Variants in DOCK7 observed in about 807,000 individuals in gnomAD.
DOCK7 encodes dedicator of cytokinesis 7.
In DOCK7, 138 loss-of-function variants were observed where a neutral mutation model predicts 271.0. The observed-to-expected ratio is 0.51, with a 90% confidence interval of 0.44 to 0.59. The LOEUF (loss-of-function observed/expected upper bound fraction) is 0.59. Ranked by LOEUF, DOCK7 falls within the 20% of genes least tolerant of loss-of-function variation. The probability of loss-of-function intolerance (pLI) is 0.00; values close to 1 mark genes in which losing one functional copy is unlikely to be tolerated. For missense variants in DOCK7, 2,066 were observed against 2,592.4 expected, an observed-to-expected ratio of 0.80 and a Z score of 4.41; for synonymous variants, 823 against 876.1, an observed-to-expected ratio of 0.94 and a Z score of 1.07.
chr1:62,513,540 G>A lies in DOCK7; in HGVS notation c.4186C>T (p.Leu1396Phe). The change falls in exon 33 of 50, where the codon CTT becomes TTT. Residue 1396 changes from leucine to phenylalanine, a missense_variant. Physicochemically the swap from Leu to Phe is conservative, Grantham distance 22. This residue lies in a region of DOCK7 where 652 missense variants were observed against 922.1 expected (regional missense o/e 0.71). Coordinates refer to ENST00000635253, the MANE Select transcript of DOCK7 (RefSeq NM_001367561.1). ...ATGCTCCCAAGAATAGCTTCTTCAA[G>A]CTTTGCTCTCATGTCTTTTGATTTC... ...FKKSKDMRAK[L>F]EEAILGSIGA... 6.2e-7 allele frequency: 1 copy of A among 1,614,092 alleles called. No individual in the cohort carries two copies. Among genetic ancestry groups the A allele is most frequent in the Non-Finnish European group, 8.5e-7 (1 of 1,179,998 alleles).
chr1:62,494,241 A>G, intron 40 of DOCK7, 34 bp downstream of exon 40: 1 of 1,521,312 alleles, frequency 6.6e-7, no homozygotes, highest in Non-Finnish European at 8.9e-7. Context: ...AAAAAGATAT[A>G]CCTTGATTTA....
At chr1:62,671,428 A>G (rs907712765) in intron 1 of DOCK7, among the ~76,000 whole-genome samples, 6 of 152,224 alleles carry the variant, frequency 3.9e-5, no homozygotes. Flanking sequence ...GGCAGGGACC[A>G]TATCTTATTA....
intron 48 of DOCK7, 93 bp from the exon 49 acceptor site, chr1:62,457,798 TGGG>T: frequency 7.5e-6 from 9 of 1,194,184 alleles, no homozygotes; most frequent in Non-Finnish European, 1.1e-5. Flanking sequence ...CATATATATG[TGGG>T]CTTAATGACA....
At chr1:62,536,138 CA>C (rs1278612552) in intron 28 of DOCK7, among the ~76,000 whole-genome samples, 1 of 151,846 alleles carries the variant, frequency 6.6e-6, no homozygotes, top group Non-Finnish European at 1.5e-5. Flanking sequence ...CTTAATACTT[CA>C]AAATATTATA....
intron 37 of DOCK7, among the ~76,000 whole-genome samples, chr1:62,496,929 T>C (rs1325823911): frequency 6.6e-6 from 1 of 152,198 alleles, no homozygotes; most frequent in Non-Finnish European, 1.5e-5. Context: ...ATGCATAAAG[T>C]AATGTAAGGT....
chr1:62,456,596 G>A (rs1645354188), intron 49 of DOCK7, among the ~76,000 whole-genome samples: 1 of 152,122 alleles, frequency 6.6e-6, no homozygotes, highest in South Asian at 2.1e-4. Flanking sequence ...AAAGCTTGGA[G>A]GATTGGCCAA....
At chr1:62,542,768 T>G in intron 24 of DOCK7, 65 bp from the exon 25 acceptor site, 1 of 1,444,014 alleles carries the variant, frequency 6.9e-7, no homozygotes, top group Non-Finnish European at 9.7e-7. Flanking sequence ...AACCAAATCA[T>G]AATGCAAATA....
At chr1:62,607,737 A>G (rs1651206437) in intron 14 of DOCK7, 1 of 152,188 alleles carries the variant, frequency 6.6e-6, no homozygotes, top group Non-Finnish European at 1.5e-5. Context: ...ATCTTAGCTT[A>G]AATCTTAGAA....
chr1:62,647,888 T>A (rs192642675), intron 6 of DOCK7, 112 bp from the exon 7 acceptor site: 1 of 894,492 alleles, frequency 1.1e-6, no homozygotes, highest in Non-Finnish European at 1.8e-6. Flanking sequence ...CAATAGAACA[T>A]AGAGAAGAAT....
At chr1:62,512,833 C>T (rs1379309668) in intron 33 of DOCK7, among the ~76,000 whole-genome samples, 2 of 151,338 alleles carry the variant, frequency 1.3e-5, no homozygotes, top group South Asian at 2.1e-4. Context: ...ATTGCTTGGG[C>T]GAGGGAGGTC....
Position 62,516,296 on chromosome 1 carries a change from G to A in DOCK7, c.3937-2398C>T, listed in dbSNP as rs138822856. On this transcript the variant is annotated intron_variant, in intron 31 of 49. Coordinates refer to ENST00000635253, the MANE Select transcript of DOCK7 (RefSeq NM_001367561.1). ...AGGCACATCATAAATTAGTAGAAAT[G>A]TGCACATATAAAACCAACCTGAGAT... is the stretch of plus-strand genomic sequence containing the variant. Among the ~76,000 whole-genome samples the A allele has an allele frequency of 1.4e-4, 22 of 152,216 alleles. No homozygotes were observed. In the East Asian group the frequency reaches 4.0e-3, roughly 28 times the overall value.
In DOCK7 at chr1:62,618,857, T is replaced by C. The variant is rs764347103; in HGVS notation, c.1531A>G (p.Ile511Val). ...RLRPITAQLK[I>V]DISPAPENPH... is the part of the protein sequence containing the mutation. The stretch of plus-strand genomic sequence containing the variant: ...TTTTCAGGTGCGGGAGAAATGTCTA[T>C]CTTGAGCTGAGCTGCAAATTATATA... The change falls in exon 14 of 50, where the codon ATA becomes GTA. Residue 511 changes from isoleucine to valine, a missense_variant. This residue lies in a region of DOCK7 where 1,414 missense variants were observed against 1,670.4 expected (regional missense o/e 0.85). Transcript: ENST00000635253. 2.3e-5 allele frequency: 37 copies of C among 1,613,304 alleles called. No individual in the cohort carries two copies. The highest frequency in any genetic ancestry group is 1.6e-4 in the Middle Eastern group (1 of 6,070).
intron 25 of DOCK7, among the ~76,000 whole-genome samples, chr1:62,540,309 G>A (rs1354063448): frequency 5.3e-5 from 8 of 151,924 alleles, no homozygotes; most frequent in Admixed American, 4.6e-4. Flanking sequence ...GAGTAGCTAG[G>A]ACTACAGGTG....
chr1:62,683,914 G>A (rs748421352), intron 1 of DOCK7, among the ~76,000 whole-genome samples: 3 of 150,388 alleles, frequency 2.0e-5, no homozygotes, highest in Non-Finnish European at 3.0e-5. Flanking sequence ...GCAACAGAGC[G>A]AGACCCTATC....
At position 62,648,257 on chromosome 1, in the gene DOCK7, C is replaced by G. The variant is rs1008990075; in HGVS notation, c.581G>C (p.Ser194Thr). 3.1e-6 allele frequency: 5 copies of G among 1,613,494 alleles called. No individual in the cohort carries two copies. The African/African-American group carries it at 6.7e-5, about 22-fold the overall frequency. The part of the protein sequence containing the change: ...DDTPRGSWAC[S>T]IFDLKNSLPD... ...AAGTGAATTTTTCAAGTCAAAGATA[C>G]TACAGGCCCAGCTACCCCTTGGGGT... The change falls in exon 6 of 50, where the codon AGT becomes ACT. Residue 194 changes from serine to threonine, a missense_variant. This residue lies in a region of DOCK7 where 1,414 missense variants were observed against 1,670.4 expected (regional missense o/e 0.85). Transcript: ENST00000635253.
At chr1:62,553,342 ATATATATATATATTTTTTTTTT>A (rs1237224776) in intron 21 of DOCK7, among the ~76,000 whole-genome samples, 44 of 33,006 alleles carry the variant, frequency 1.3e-3, no homozygotes, top group South Asian at 8.4e-3. Context: ...ATATATATAT[ATATATATATATATTTTTTTTTT>A]TTTTTTTTTT....
chr1:62,532,725 A>T (rs1187535675), intron 29 of DOCK7, among the ~76,000 whole-genome samples: 2 of 152,224 alleles, frequency 1.3e-5, no homozygotes, highest in Admixed American at 1.3e-4. Flanking sequence ...CAAGCAAGAA[A>T]TGACTATGTG....
In DOCK7 at chr1:62,488,968, T is replaced by C. The variant is rs188299071; in HGVS notation, c.5459A>G (p.Lys1820Arg). The change falls in exon 42 of 50, where the codon AAA (lysine) becomes AGA (arginine). Residue 1820 changes from lysine (K) to arginine (R), a missense_variant. Around this residue, in one of 2 missense-constraint regions of DOCK7, gnomAD observed 652 missense variants for 922.1 expected, o/e 0.71. Coordinates refer to ENST00000635253, the MANE Select transcript of DOCK7 (RefSeq NM_001367561.1). The part of the protein sequence containing the change: ...DAKKLSTIHG[K>R]LQEAFSKIVH... ...AATTTTGCTGAATGCTTCTTGAAGT[T>C]TACCATGAATTGTGGATAGTTTCTT... is the stretch of plus-strand genomic sequence containing the variant. 1.2e-6 allele frequency: 2 copies of C among 1,613,820 alleles called. No homozygotes were observed. Among genetic ancestry groups the C allele is most frequent in the African/African-American group, 1.3e-5 (1 of 75,038 alleles).
chr1:62,673,614 A>G (rs1344047896), intron 1 of DOCK7, among the ~76,000 whole-genome samples: 2 of 152,212 alleles, frequency 1.3e-5, no homozygotes, highest in African/African-American at 4.8e-5. Context: ...TTTATCTTAA[A>G]TTCCACCCTA....
Sources: allele counts gnomAD v4.1 joint callset (sites outside exome capture counted in the v4.1 genomes callset), GRCh38; gene constraint gnomAD v4.1.1; regional missense constraint gnomAD v4.1.1; transcripts MANE v1.5; gene names NCBI Gene and HGNC (gene_info 2026-07-23, HGNC 2026-07-21).